PARD6G: variants seen among roughly 807,000 people sequenced by gnomAD.
PARD6G encodes the protein partitioning defective 6 homolog gamma.
A neutral mutation model predicts 10.7 loss-of-function variants in PARD6G; 7 were observed. The ratio of observed to expected loss-of-function variants is 0.66; its 90% CI spans 0.37 to 1.23. PARD6G has a LOEUF of 1.23. Among genes scored for constraint, PARD6G ranks in the 50% most tolerant of loss-of-function variants. The pLI, the probability that PARD6G is intolerant of heterozygous loss-of-function variation, is 0.02. For synonymous variants in PARD6G, 287 were observed against 269.4 expected (o/e 1.07, Z -0.64); for missense variants, 548 against 571.8 (o/e 0.96, Z 0.42).
In PARD6G at chr18:80,159,995, T is replaced by C; in HGVS notation, c.907A>G (p.Ile303Val). 3.3e-6 allele frequency: 5 copies of C among 1,511,996 alleles called. No individual in the cohort carries two copies. The highest frequency in any genetic ancestry group is 4.4e-6 in the Non-Finnish European group (5 of 1,137,782). The allele number at this position is 1,511,996 out of a possible 1,614,324, so 93.7% of individuals were successfully genotyped here. Residue 303 changes from isoleucine (I) to valine (V), a missense_variant, in exon 3 of 3, where the codon ATC becomes GTC. By Grantham distance (29) the Ile-to-Val change is conservative. Around this residue, in one of 2 missense-constraint regions of PARD6G, gnomAD observed 313 missense variants for 279.9 expected, o/e 1.12. Transcript: ENST00000353265. ...CGTGCAGGCTCCAGTGTGCCCTCGA[T>C]GACGACGTCGTTGTCCTCATCGCTC... The part of the protein sequence containing the change: ...AESDEDNDVV[I>V]EGTLEPARPP...
chr18:80,180,177 C>G lies in PARD6G; in HGVS notation c.296-19571G>C, dbSNP rs2052840971. On this transcript the variant is annotated intron_variant, in intron 2 of 2. Transcript: ENST00000353265. The surrounding 1 kb of genome is among the most constrained non-coding windows in gnomAD (Gnocchi z 5.6). ...TGGCCATTGGTGTGTCAGCTGCTCA[C>G]CTGGGCTTGGGTGTCCAGGTCCTGA... Among the ~76,000 whole-genome samples, 1 of 152,260 alleles carries G rather than the reference C, an allele frequency of 6.6e-6. No individual in the cohort carries two copies. Among genetic ancestry groups the G allele is most frequent in the Non-Finnish European group, 1.5e-5 (1 of 68,040 alleles).
intron 1 of PARD6G, among the ~76,000 whole-genome samples, chr18:80,207,608 A>G (rs1312525391): frequency 2.0e-5 from 3 of 152,226 alleles, no homozygotes; most frequent in African/African-American, 4.8e-5. Flanking sequence ...TAATTGTGGT[A>G]AAACACACAT....
At chr18:80,198,638 T>A (rs1440819760) in intron 2 of PARD6G, among the ~76,000 whole-genome samples, 3 of 152,212 alleles carry the variant, frequency 2.0e-5, no homozygotes, top group Non-Finnish European at 4.4e-5. Context: ...TCACCAGGCT[T>A]GGAGCCCTCT....
chr18:80,211,482 T>A (rs1343193715), intron 1 of PARD6G, among the ~76,000 whole-genome samples: 1 of 152,226 alleles, frequency 6.6e-6, no homozygotes, highest in East Asian at 1.9e-4. Context: ...GCAGTGCAGC[T>A]GCTGTGAAAA....
At chr18:80,216,712 A>C (rs1475545387) in intron 1 of PARD6G, among the ~76,000 whole-genome samples, 2 of 152,150 alleles carry the variant, frequency 1.3e-5, no homozygotes, top group African/African-American at 4.8e-5. Context: ...AGAAATGAAA[A>C]AGGAAATGCA....
chr18:80,246,969 C>T lies in PARD6G; in HGVS notation c.72+308G>A, dbSNP rs934895514. ...CCCTCCCCTCCAATGTGTGGCGCGC[C>T]CCGATCGCCTCTCACTCGTGGAACA... On this transcript the variant is annotated intron_variant, in intron 1 of 2. Coordinates refer to ENST00000353265, the MANE Select transcript of PARD6G (RefSeq NM_032510.4). This position sits in a 1 kb window ranked among gnomAD's most constrained non-coding sequence, Gnocchi z 6.7. Among the ~76,000 whole-genome samples, 2 of 152,154 alleles carry T rather than the reference C, an allele frequency of 1.3e-5. No homozygotes were observed. Among genetic ancestry groups the T allele is most frequent in the Non-Finnish European group, 2.9e-5 (2 of 68,016 alleles).
At chr18:80,244,586 G>C (rs988750874) in intron 1 of PARD6G, among the ~76,000 whole-genome samples, 2 of 152,156 alleles carry the variant, frequency 1.3e-5, no homozygotes, top group African/African-American at 4.8e-5. Flanking sequence ...AAGCGCTCTT[G>C]TATTCAATGC....
chr18:80,176,261 CAT>C (rs1205858272), intron 2 of PARD6G, among the ~76,000 whole-genome samples: 1 of 152,192 alleles, frequency 6.6e-6, no homozygotes, highest in Admixed American at 6.5e-5. Flanking sequence ...AAAGTACACA[CAT>C]GTGCTTTTAA....
intron 2 of PARD6G, among the ~76,000 whole-genome samples, chr18:80,194,849 G>A (rs1401303046): frequency 2.0e-5 from 3 of 152,132 alleles, no homozygotes; most frequent in African/African-American, 7.2e-5. Flanking sequence ...TCAGCATGAG[G>A]AGACCAGGGG....
intron 2 of PARD6G, chr18:80,171,047 T>G (rs2052772442): frequency 6.6e-6 from 1 of 152,172 alleles, no homozygotes; most frequent in Non-Finnish European, 1.5e-5. Context: ...TTCTCTATTA[T>G]TTCTCTCTAT....
chr18:80,166,291 C>G (rs1442507619), intron 2 of PARD6G, among the ~76,000 whole-genome samples: 1 of 151,380 alleles, frequency 6.6e-6, no homozygotes, highest in Non-Finnish European at 1.5e-5. Context: ...TGTTCCTCCT[C>G]TCTGCCGCAC....
intron 1 of PARD6G, among the ~76,000 whole-genome samples, chr18:80,238,838 G>C (rs566458870): frequency 6.6e-6 from 1 of 151,030 alleles, no homozygotes; most frequent in South Asian, 2.1e-4. Flanking sequence ...GGATCGGCTT[G>C]CTGGGAGGTC....
intron 2 of PARD6G, among the ~76,000 whole-genome samples, chr18:80,194,919 C>T (rs1262344869): frequency 3.9e-5 from 6 of 152,160 alleles, no homozygotes; most frequent in Admixed American, 2.6e-4. Context: ...CTAGAGACAA[C>T]CCTCCTGGGC....
rs1260193251 is a variant in PARD6G at position 80,160,270 on chromosome 18, G to C, written c.632C>G (p.Ala211Gly). 1 of 1,612,490 alleles carries C rather than the reference G, an allele frequency of 6.2e-7. No individual in the cohort carries two copies. Among genetic ancestry groups the C allele is most frequent in the African/African-American group, 1.3e-5 (1 of 74,948 alleles). ...CACCTCCAGGACCTCGTCATTCACA[G>C]CCAGCAGCCCGGTGCTCTCCGCCAG... ...GGLAESTGLL[A>G]VNDEVLEVNG... Residue 211 changes from alanine (A) to glycine (G), a missense_variant, in exon 3 of 3, where the codon GCT (alanine) becomes GGT (glycine). By Grantham distance (60) the Ala-to-Gly change is moderately conservative. Around this residue, in one of 2 missense-constraint regions of PARD6G, gnomAD observed 313 missense variants for 279.9 expected, o/e 1.12. Coordinates refer to ENST00000353265, the MANE Select transcript of PARD6G (RefSeq NM_032510.4).
chr18:80,158,879 G>C lies in PARD6G; in HGVS notation c.*892C>G, dbSNP rs897611117. 4.6e-5 allele frequency: 7 copies of C among 152,180 alleles called. No individual in the cohort carries two copies. The highest frequency in any genetic ancestry group is 1.0e-4 in the Non-Finnish European group (7 of 68,072). 9.4% of individuals were successfully genotyped at this position (152,180 alleles called of 1,614,324 possible). A position where few individuals can be genotyped will look rare whatever the true frequency, so the allele number is the denominator to read the frequency against. ...GCCCCGGAACAATTCCACAGCTGCG[G>C]GTGCCATAAGTGTGCTGGTGGGAGC... On this transcript the variant is annotated 3_prime_UTR_variant, in exon 3 of 3. Transcript: ENST00000353265.
At position 80,182,857 on chromosome 18, in the gene PARD6G, C is replaced by T. The variant is rs2052854962; in HGVS notation, c.295+19853G>A. 1 of 446,406 alleles carries T rather than the reference C, an allele frequency of 2.2e-6. No homozygotes were observed. The allele number at this position is 446,406 out of a possible 1,614,324, so 27.7% of individuals were successfully genotyped here. The stretch of plus-strand genomic sequence containing the variant: ...AAATGTTCCCAGAGAACTTTTAAAT[C>T]TGATGTTATAGTTTTATTTCTTAGT... On this transcript the variant is annotated intron_variant, in intron 2 of 2. Coordinates refer to ENST00000353265, the MANE Select transcript of PARD6G (RefSeq NM_032510.4). This position sits in a 1 kb window ranked among gnomAD's most constrained non-coding sequence, Gnocchi z 4.5.
intron 1 of PARD6G, among the ~76,000 whole-genome samples, chr18:80,229,835 AG>A (rs1967338181): frequency 6.6e-6 from 1 of 152,200 alleles, no homozygotes. Context: ...GCACAACCAA[AG>A]GAGCCTGGAC....
intron 2 of PARD6G, among the ~76,000 whole-genome samples, chr18:80,163,879 T>C (rs1377098988): frequency 6.6e-6 from 1 of 152,028 alleles, no homozygotes; most frequent in Admixed American, 6.5e-5. Context: ...ACAACAAATA[T>C]AAGATGACGC....
chr18:80,216,659 T>C (rs1196602114), intron 1 of PARD6G, among the ~76,000 whole-genome samples: 1 of 152,010 alleles, frequency 6.6e-6, no homozygotes, highest in African/African-American at 2.4e-5. Context: ...CACCTATATT[T>C]AAAAAGAAAG....
Sources: allele counts gnomAD v4.1 joint callset (sites outside exome capture counted in the v4.1 genomes callset), GRCh38; gene constraint gnomAD v4.1.1; regional missense constraint gnomAD v4.1.1; non-coding constraint Gnocchi (gnomAD v3.1); transcripts MANE v1.5; gene names NCBI Gene and HGNC (gene_info 2026-07-23, HGNC 2026-07-21).